MNS1: variants seen among roughly 807,000 people sequenced by gnomAD.
MNS1 encodes the protein meiosis-specific nuclear structural protein 1.
MNS1 carries 63 observed loss-of-function variants against 72.0 expected under a neutral mutation model. That is an observed-to-expected ratio of 0.87 (90% confidence interval 0.71 to 1.08). The LOEUF is 1.08. Among genes scored for constraint, MNS1 ranks in the 50% least tolerant of loss-of-function variants. MNS1 has a pLI of 0.00. For synonymous variants in MNS1, 188 were observed against 172.1 expected (o/e 1.09, Z -0.72); for missense variants, 604 against 562.4 (o/e 1.07, Z -0.75).
chr15:56,452,248 A>G (rs576376085), intron 3 of MNS1, among the ~76,000 whole-genome samples: 1 of 152,292 alleles, frequency 6.6e-6, no homozygotes, highest in East Asian at 1.9e-4. Flanking sequence ...AAATTGGCAA[A>G]GGAAAAAGGC....
chr15:56,456,429 C>T lies in MNS1; in HGVS notation c.318G>A (p.Lys106=), dbSNP rs763878842. Residue 106 remains lysine (K), a synonymous_variant, in exon 3 of 10, where the codon AAG becomes AAA. Coordinates refer to ENST00000260453, the MANE Select transcript of MNS1 (RefSeq NM_018365.4). ...ELAKLKHESL[K]DEKMRQQVRE... ...TTACTTGTTGCCTCATCTTTTCGTCCTTTAGACTTTCATGTTTCAGTTTTG... is the reference window on the plus strand; with the variant it reads ...TTACTTGTTGCCTCATCTTTTCGTCTTTTAGACTTTCATGTTTCAGTTTTG... The T allele has an allele frequency of 6.2e-7, 1 of 1,611,288 alleles. No homozygotes were observed. The highest frequency in any genetic ancestry group is 1.3e-5 in the African/African-American group (1 of 74,712).
chr15:56,460,009 A>AAATATATATATATATAT, intron 2 of MNS1, among the ~76,000 whole-genome samples: 2 of 26,406 alleles, frequency 7.6e-5, no homozygotes, highest in African/African-American at 3.0e-4. Flanking sequence ...AAAAAAAAAA[A>AAATATATATATATATAT]ATACATATAT....
At chr15:56,459,465 G>T (rs1274879220) in intron 2 of MNS1, among the ~76,000 whole-genome samples, 1 of 152,018 alleles carries the variant, frequency 6.6e-6, no homozygotes, top group Non-Finnish European at 1.5e-5. Flanking sequence ...ATTATCTCTT[G>T]GGAATATATT....
At position 56,441,087 on chromosome 15, in the gene MNS1, G is replaced by C. The variant is rs539733510; in HGVS notation, c.1011+2343C>G. Among the ~76,000 whole-genome samples the C allele has an allele frequency of 2.6e-5, 4 of 151,990 alleles. No individual in the cohort carries two copies. In the South Asian group the frequency reaches 8.3e-4, roughly 32 times the overall value. Reference sequence around the variant, plus strand: ...CACATATTTTGGAATGCTGTTTTTTGAATCATTTAGTTTGAAATATTTTTC... The same window carrying C: ...CACATATTTTGGAATGCTGTTTTTTCAATCATTTAGTTTGAAATATTTTTC... On this transcript the variant is annotated intron_variant, in intron 7 of 9. Coordinates refer to ENST00000260453, the MANE Select transcript of MNS1 (RefSeq NM_018365.4).
chr15:56,448,832 C>G (rs2050927341), intron 3 of MNS1, among the ~76,000 whole-genome samples: 1 of 148,690 alleles, frequency 6.7e-6, no homozygotes, highest in Non-Finnish European at 1.5e-5. Context: ...CAGCTCACTG[C>G]AAGCTCCGCC....
chr15:56,444,405 T>C, intron 5 of MNS1, 39 bp downstream of exon 5: 1 of 1,525,708 alleles, frequency 6.6e-7, no homozygotes, highest in Non-Finnish European at 8.9e-7. Flanking sequence ...ATATCTAAAG[T>C]AAACATTTAG....
At position 56,465,024 on chromosome 15, in the gene MNS1, G is replaced by C; in HGVS notation, c.-52C>G. The C allele has an allele frequency of 6.3e-7, 1 of 1,593,042 alleles. No individual in the cohort carries two copies. Among genetic ancestry groups the C allele is most frequent in the Non-Finnish European group, 8.5e-7 (1 of 1,171,426 alleles). ...CGTGGGACCGCGGCCACCACCTCCC[G>C]CCGCAAACGCAGCAGCCAGCAGCCC... On this transcript the variant is annotated 5_prime_UTR_variant, in exon 1 of 10. Coordinates refer to ENST00000260453, the MANE Select transcript of MNS1 (RefSeq NM_018365.4).
intron 3 of MNS1, 174 bp from the exon 4 acceptor site, chr15:56,447,117 A>G (rs1025595009): frequency 1.9e-5 from 10 of 534,202 alleles, no homozygotes; most frequent in African/African-American, 1.7e-4. Context: ...TTAGGGCATT[A>G]GGGCTTACAT....
intron 2 of MNS1, among the ~76,000 whole-genome samples, chr15:56,457,715 T>G (rs1465324465): frequency 1.3e-5 from 2 of 151,550 alleles, no homozygotes; most frequent in Non-Finnish European, 2.9e-5. Flanking sequence ...ATCAGGAGGT[T>G]GAGGTAGGAG....
At position 56,444,694 on chromosome 15, in the gene MNS1, A is replaced by C. The variant is rs181873152; in HGVS notation, c.457-21T>G. 4.2e-5 allele frequency: 66 copies of C among 1,586,140 alleles called. 1 individual carries two copies. The East Asian group carries it at 6.5e-4, about 16-fold the overall frequency. On this transcript the variant is annotated intron_variant, in intron 4 of 9. Transcript: ENST00000260453. ...CGTTTCTGTTATTAAAACAAAATTG[A>C]TCTTTCCGTTTTCAAATTTGAACAT...
At chr15:56,446,804 A>G in intron 4 of MNS1, 37 bp downstream of exon 4, 1 of 1,453,750 alleles carries the variant, frequency 6.9e-7, no homozygotes. Flanking sequence ...TATTTTCTAA[A>G]TGAAGCTAAA....
At chr15:56,462,979 G>A (rs2140385529) in intron 2 of MNS1, among the ~76,000 whole-genome samples, 1 of 152,034 alleles carries the variant, frequency 6.6e-6, no homozygotes, top group African/African-American at 2.4e-5. Context: ...TCATATCTAA[G>A]CTTTTGAATT....
At chr15:56,453,205 C>T (rs1420126969) in intron 3 of MNS1, among the ~76,000 whole-genome samples, 1 of 152,040 alleles carries the variant, frequency 6.6e-6, no homozygotes, top group African/African-American at 2.4e-5. Flanking sequence ...TATTTTAATT[C>T]CCAAAAGACA....
chr15:56,432,782 A>G (rs1480055035), intron 8 of MNS1, among the ~76,000 whole-genome samples: 2 of 152,198 alleles, frequency 1.3e-5, no homozygotes, highest in Admixed American at 6.5e-5. Context: ...AATCTGAAAT[A>G]TAACAGCACT....
chr15:56,429,178 C>A lies in MNS1; in HGVS notation c.1411G>T (p.Glu471Ter). 6.3e-7 allele frequency: 1 copy of A among 1,592,686 alleles called. No individual in the cohort carries two copies. Among genetic ancestry groups the A allele is most frequent in the Middle Eastern group, 1.7e-4 (1 of 6,000 alleles). Residue 471 changes from glutamate to a stop codon, truncating the protein, a stop_gained, in exon 10 of 10, where the codon GAG becomes TAG. Transcript: ENST00000260453. LOFTEE classifies it high-confidence loss of function. ...GYLPKGVFKKEDDIDLLGEEF... is the reference protein window; with the variant it reads ...GYLPKGVFKK ...TCACCAAGCAGATCAATATCATCCT[C>A]TTTTTTAAATACTCCCTACGAGAAA...
intron 7 of MNS1, among the ~76,000 whole-genome samples, chr15:56,435,902 A>G (rs2050716242): frequency 6.6e-6 from 1 of 152,038 alleles, no homozygotes; most frequent in African/African-American, 2.4e-5. Flanking sequence ...TCCTTAACCC[A>G]ATATTAGAAA....
chr15:56,458,673 TC>T (rs753402702), intron 2 of MNS1, among the ~76,000 whole-genome samples: 5 of 152,200 alleles, frequency 3.3e-5, no homozygotes, highest in Non-Finnish European at 7.4e-5. Context: ...GTTTTGCCTT[TC>T]CCAGAATGTC....
intron 9 of MNS1, 135 bp from the exon 10 acceptor site, chr15:56,429,328 TA>T (rs1567144468): frequency 1.7e-6 from 1 of 602,816 alleles, no homozygotes; most frequent in Non-Finnish European, 2.8e-6. Context: ...AATGAAACTT[TA>T]AAAAAATCAA....
At chr15:56,440,926 A>T (rs759920839) in intron 7 of MNS1, among the ~76,000 whole-genome samples, 1 of 152,126 alleles carries the variant, frequency 6.6e-6, no homozygotes, top group Admixed American at 6.5e-5. Flanking sequence ...CTTTTAGACT[A>T]TTGTGAATAA....
Sources: gnomAD v4.1 joint callset for allele counts (sites outside exome capture counted in the v4.1 genomes callset) on GRCh38, gnomAD v4.1.1 for gene constraint, MANE v1.5 for transcripts, NCBI Gene and HGNC (gene_info 2026-07-23, HGNC 2026-07-21) for gene names.